Variants in MGA observed in about 807,000 individuals in gnomAD.
MGA encodes the protein MAX gene-associated protein.
A neutral mutation model predicts 261.1 loss-of-function variants in MGA; 40 were observed. The observed-to-expected ratio is 0.15, with a 90% CI of 0.12 to 0.20. MGA has a LOEUF of 0.20. Ranked by LOEUF, MGA falls within the 10% of genes least tolerant of loss-of-function variation. The probability of loss-of-function intolerance (pLI) is 1.00; values close to 1 mark genes in which losing one functional copy is unlikely to be tolerated. For synonymous variants in MGA, 1,302 were observed against 1,290.6 expected (o/e 1.01, Z -0.19); for missense variants, 3,397 against 3,630.5 (o/e 0.94, Z 1.65).
intron 2 of MGA, among the ~76,000 whole-genome samples, chr15:41,679,149 T>G (rs2058536388): frequency 6.6e-6 from 1 of 151,964 alleles, no homozygotes; most frequent in South Asian, 2.1e-4. Context: ...AATTCTCCTG[T>G]GTCAGCCTCC....
chr15:41,755,315 A>C (rs1218400280), intron 18 of MGA, among the ~76,000 whole-genome samples: 2 of 152,198 alleles, frequency 1.3e-5, no homozygotes, highest in African/African-American at 2.4e-5. Flanking sequence ...GATGCTGAGA[A>C]AGTTGAAGGA....
At chr15:41,643,993 T>C (rs1002293527) in intron 1 of MGA, among the ~76,000 whole-genome samples, 5 of 152,188 alleles carry the variant, frequency 3.3e-5, no homozygotes, top group African/African-American at 1.2e-4. Context: ...TGTTCATTTT[T>C]GCATGTGGTG....
intron 1 of MGA, among the ~76,000 whole-genome samples, chr15:41,632,697 A>C (rs982946693): frequency 6.6e-6 from 1 of 151,334 alleles, no homozygotes; most frequent in African/African-American, 2.4e-5. Context: ...CTGTTTCCTC[A>C]CTAGTCTGCC....
intron 1 of MGA, among the ~76,000 whole-genome samples, chr15:41,655,340 G>C (rs1189512305): frequency 6.6e-6 from 1 of 151,746 alleles, no homozygotes; most frequent in Non-Finnish European, 1.5e-5. Flanking sequence ...CACCATGCCT[G>C]GCTAATTTTT....
chr15:41,697,418 C>G (rs201853686), intron 3 of MGA, among the ~76,000 whole-genome samples: 1 of 132,834 alleles, frequency 7.5e-6, no homozygotes, highest in African/African-American at 2.8e-5. Context: ...TTTTTCTTTT[C>G]TTTTTTTTTT....
chr15:41,759,675 T>G (rs935802299), intron 19 of MGA, among the ~76,000 whole-genome samples: 6 of 152,184 alleles, frequency 3.9e-5, no homozygotes, highest in African/African-American at 1.2e-4. Flanking sequence ...AAGGAGGCTT[T>G]AAGCCTTTCT....
intron 9 of MGA, among the ~76,000 whole-genome samples, chr15:41,716,093 C>T (rs1392771287): frequency 1.3e-5 from 2 of 151,884 alleles, no homozygotes; most frequent in Non-Finnish European, 2.9e-5. Flanking sequence ...TTATAAAAAG[C>T]AAAGCTTGCT....
intron 1 of MGA, among the ~76,000 whole-genome samples, chr15:41,625,309 T>C (rs1285673480): frequency 6.6e-6 from 1 of 152,222 alleles, no homozygotes; most frequent in Non-Finnish European, 1.5e-5. Context: ...TTTGTATTTA[T>C]TGAGTGTTTA....
At chr15:41,720,725 C>G (rs1318658759) in intron 9 of MGA, among the ~76,000 whole-genome samples, 1 of 152,070 alleles carries the variant, frequency 6.6e-6, no homozygotes, top group Non-Finnish European at 1.5e-5. Context: ...CCCAGCTACT[C>G]TGGAGGCTGA....
chr15:41,652,306 C>T (rs2057082105), intron 1 of MGA, among the ~76,000 whole-genome samples: 1 of 139,230 alleles, frequency 7.2e-6, no homozygotes, highest in African/African-American at 2.7e-5. Context: ...CCCCTCCCCT[C>T]TGCCCTCCCC....
At chr15:41,705,415 G>A (rs931750686) in intron 5 of MGA, among the ~76,000 whole-genome samples, 1 of 151,768 alleles carries the variant, frequency 6.6e-6, no homozygotes, top group African/African-American at 2.4e-5. Context: ...TGGATGGAAT[G>A]CAGTGGCACG....
chr15:41,760,275 G>C (rs985665618), intron 19 of MGA, 48 bp from the exon 20 acceptor site: 1 of 1,573,816 alleles, frequency 6.4e-7, no homozygotes, highest in Non-Finnish European at 8.7e-7. Context: ...AGAGTAAGAG[G>C]GCCAACTACA....
intron 1 of MGA, among the ~76,000 whole-genome samples, chr15:41,643,995 C>T (rs1464703166): frequency 6.6e-6 from 1 of 151,914 alleles, no homozygotes; most frequent in Non-Finnish European, 1.5e-5. Flanking sequence ...TTCATTTTTG[C>T]ATGTGGTGTG....
chr15:41,750,796 G>A (rs2062787065), intron 17 of MGA, 181 bp downstream of exon 17: 3 of 562,196 alleles, frequency 5.3e-6, no homozygotes, highest in Admixed American at 6.8e-5. Flanking sequence ...CATTTATTGA[G>A]CTTTTATTCT....
intron 8 of MGA, among the ~76,000 whole-genome samples, chr15:41,711,692 G>T (rs951600274): frequency 6.6e-6 from 1 of 152,034 alleles, no homozygotes; most frequent in Non-Finnish European, 1.5e-5. Flanking sequence ...TTTGAAAATT[G>T]TGCTTTTATT....
chr15:41,710,600 C>G (rs917073710), intron 7 of MGA, 91 bp from the exon 8 acceptor site: 2 of 1,242,002 alleles, frequency 1.6e-6, no homozygotes, highest in African/African-American at 3.1e-5. Context: ...TATCTTGTAG[C>G]TCAATATTCT....
intron 1 of MGA, among the ~76,000 whole-genome samples, chr15:41,622,103 C>T: frequency 6.6e-6 from 1 of 152,104 alleles, no homozygotes. Context: ...TTTCCAGCGT[C>T]TTTGCTGCGG....
chr15:41,662,303 A>G (rs1257747652), intron 1 of MGA, among the ~76,000 whole-genome samples: 3 of 152,124 alleles, frequency 2.0e-5, no homozygotes, highest in Non-Finnish European at 4.4e-5. Context: ...ACTGCTAGAG[A>G]CCTGTCAGCT....
intron 17 of MGA, among the ~76,000 whole-genome samples, chr15:41,753,808 T>C (rs1483131506): frequency 6.6e-6 from 1 of 152,254 alleles, no homozygotes; most frequent in Non-Finnish European, 1.5e-5. Context: ...TCTTAAGATT[T>C]ATGAAACCTT....
Sources: gnomAD v4.1 joint callset for allele counts (sites outside exome capture counted in the v4.1 genomes callset) on GRCh38, gnomAD v4.1.1 for gene constraint, MANE v1.5 for transcripts, NCBI Gene and HGNC (gene_info 2026-07-23, HGNC 2026-07-21) for gene names.